The following MBP variants were observed in gnomAD, a reference collection of about 807,000 sequenced individuals.
MBP encodes myelin basic protein.
MBP carries 16 observed loss-of-function variants against 35.8 expected under a neutral mutation model. The ratio of observed to expected loss-of-function variants is 0.45; its 90% CI spans 0.30 to 0.68. The LOEUF (loss-of-function observed/expected upper bound fraction) is 0.68. MBP is among the 30% of genes least tolerant of loss of function. The pLI, the probability that MBP is intolerant of heterozygous loss-of-function variation, is 0.08. For missense variants in MBP, 380 were observed against 404.7 expected (o/e 0.94, Z 0.52); for synonymous variants, 143 against 159.6 (o/e 0.90, Z 0.78).
At position 76,989,808 on chromosome 18, in the gene MBP, C is replaced by T. The variant is rs1014269430; in HGVS notation, c.681+148G>A. ...CTTGCCTGGAACTCGCGATCAGGTG[C>T]GAGGGGGGAGTTCCCCGGCCGGCCT... On this transcript the variant is annotated intron_variant, in intron 5 of 8. Transcript: ENST00000355994. This position sits in a 1 kb window ranked among gnomAD's most constrained non-coding sequence, Gnocchi z 4.0. 6 of 659,228 alleles carry T rather than the reference C, an allele frequency of 9.1e-6. No individual in the cohort carries two copies. Among genetic ancestry groups the T allele is most frequent in the Non-Finnish European group, 1.4e-5 (5 of 368,024 alleles). 40.8% of individuals were successfully genotyped at this position (659,228 alleles called of 1,614,324 possible). A position where few individuals can be genotyped will look rare whatever the true frequency, so the allele number is the denominator to read the frequency against.
intron 2 of MBP, among the ~76,000 whole-genome samples, chr18:77,069,458 C>T (rs981539691): frequency 3.9e-5 from 6 of 152,058 alleles, no homozygotes; most frequent in Admixed American, 2.6e-4. Flanking sequence ...ATTCAGCTAC[C>T]GTCGTTATTG....
chr18:77,100,736 A>G (rs1175249469), intron 2 of MBP, among the ~76,000 whole-genome samples: 1 of 151,712 alleles, frequency 6.6e-6, no homozygotes, highest in Non-Finnish European at 1.5e-5. Context: ...ATTTTTTTGT[A>G]GAGATAAGGT....
intron 3 of MBP, among the ~76,000 whole-genome samples, chr18:77,041,044 C>T (rs1568308013): frequency 1.3e-5 from 2 of 151,828 alleles, no homozygotes; most frequent in African/African-American, 4.8e-5. Context: ...TGAGAAAGGG[C>T]TAGTATCCAG....
intron 2 of MBP, among the ~76,000 whole-genome samples, chr18:77,098,654 A>C (rs1234241088): frequency 6.6e-6 from 1 of 152,198 alleles, no homozygotes; most frequent in Non-Finnish European, 1.5e-5. Flanking sequence ...GCTCAGCCAC[A>C]GCTCTTGGTT....
intron 2 of MBP, among the ~76,000 whole-genome samples, chr18:77,090,734 G>A (rs1975479596): frequency 6.6e-6 from 1 of 152,194 alleles, no homozygotes; most frequent in Admixed American, 6.5e-5. Context: ...GGATGGTGAA[G>A]TCCAGGCTCA....
chr18:76,996,612 G>T (rs1028887504), intron 4 of MBP, among the ~76,000 whole-genome samples: 2 of 152,052 alleles, frequency 1.3e-5, no homozygotes, highest in Non-Finnish European at 2.9e-5. Flanking sequence ...AGTAAAAGCC[G>T]CCATTCTAAA....
chr18:76,982,711 C>T (rs925604247), intron 8 of MBP: 1 of 152,174 alleles, frequency 6.6e-6, no homozygotes, highest in African/African-American at 2.4e-5. Flanking sequence ...CTCCATCTGC[C>T]TGCCTCTAGA....
At chr18:77,046,208 G>A (rs145942335) in intron 3 of MBP, among the ~76,000 whole-genome samples, 43 of 152,256 alleles carry the variant, frequency 2.8e-4, no homozygotes, top group African/African-American at 1.0e-3. Context: ...GAGACTTCAC[G>A]TCCTGAGAGT....
chr18:77,071,378 TA>T (rs1274147392), intron 2 of MBP, among the ~76,000 whole-genome samples: 1 of 152,046 alleles, frequency 6.6e-6, no homozygotes, highest in Non-Finnish European at 1.5e-5. Context: ...GCATTTCCCT[TA>T]AAAAATGCTG....
chr18:77,028,753 TC>T (rs1278797889), intron 3 of MBP, among the ~76,000 whole-genome samples: 1 of 78,406 alleles, frequency 1.3e-5, no homozygotes, highest in Non-Finnish European at 3.1e-5. Context: ...GGGGGGCTGA[TC>T]CCCCCACCTC....
rs528773480 is a variant in MBP at position 77,089,164 on chromosome 18, C to G, written c.51+16047G>C. The stretch of plus-strand genomic sequence containing the variant: ...GCACTGCCTTCTCCGAACTACACGG[C>G]CTGCCTTCCACAGCCCCTGGGTGTT... On this transcript the variant is annotated intron_variant, in intron 2 of 8. Transcript: ENST00000355994. 6.6e-5 allele frequency among the ~76,000 whole-genome samples: 10 copies of G among 152,388 alleles called. No individual in the cohort carries two copies. The South Asian group carries it at 1.9e-3, about 28-fold the overall frequency.
intron 3 of MBP, among the ~76,000 whole-genome samples, chr18:77,059,283 C>A (rs1388333544): frequency 6.6e-6 from 1 of 152,032 alleles, no homozygotes; most frequent in African/African-American, 2.4e-5. Flanking sequence ...GATCGCTAAA[C>A]AGCCTAGAAA....
Position 76,980,383 on chromosome 18 carries a change from T to A in MBP, c.*44A>T, listed in dbSNP as rs1404218536. 1 of 1,577,336 alleles carries A rather than the reference T, an allele frequency of 6.3e-7. No individual in the cohort carries two copies. The highest frequency in any genetic ancestry group is 1.7e-5 in the Admixed American group (1 of 59,970). ...AGTGGGATTAAAGTTTTAAGGCAGT[T>A]ATATTAAGAAGCTGAGGACAGGATT... On this transcript the variant is annotated 3_prime_UTR_variant, in exon 9 of 9. Coordinates refer to ENST00000355994, the MANE Select transcript of MBP (RefSeq NM_001025101.2).
intron 1 of MBP, among the ~76,000 whole-genome samples, chr18:77,106,509 C>T (rs74341961): frequency 0.024 from 3,667 of 152,214 alleles, 233 homozygotes; most frequent in East Asian, 0.17. Flanking sequence ...CGACTAGCAG[C>T]CGACCACAGA....
At chr18:77,069,578 A>G (rs1411912894) in intron 2 of MBP, among the ~76,000 whole-genome samples, 1 of 152,210 alleles carries the variant, frequency 6.6e-6, no homozygotes, top group Non-Finnish European at 1.5e-5. Flanking sequence ...AGAGTAGAAC[A>G]ATGCCGCATC....
intron 2 of MBP, chr18:77,066,732 A>G: frequency 3.9e-6 from 2 of 517,440 alleles, no homozygotes; most frequent in South Asian, 1.5e-5. Context: ...TCTAAGTGAC[A>G]CTGTGCGGCA....
chr18:77,009,845 T>A (rs1269074583), intron 4 of MBP: 3 of 1,580,620 alleles, frequency 1.9e-6, no homozygotes, highest in Non-Finnish European at 2.6e-6. Flanking sequence ...CGCCGGCGTC[T>A]TACCTTGTAC....
chr18:76,985,338 G>A (rs2123082745), intron 7 of MBP: 1 of 1,288,604 alleles, frequency 7.8e-7, no homozygotes, highest in Non-Finnish European at 1.0e-6. Flanking sequence ...GTCCCCGGAG[G>A]CCCCGGCCTG....
At chr18:77,114,125 T>C (rs979152321) in intron 1 of MBP, 2 of 152,258 alleles carry the variant, frequency 1.3e-5, no homozygotes, top group African/African-American at 4.8e-5. Context: ...TATCAGATAA[T>C]ATTATTTGTA....
Sources: allele counts gnomAD v4.1 joint callset (sites outside exome capture counted in the v4.1 genomes callset), GRCh38; gene constraint gnomAD v4.1.1; non-coding constraint Gnocchi (gnomAD v3.1); transcripts MANE v1.5; gene names NCBI Gene and HGNC (gene_info 2026-07-23, HGNC 2026-07-21).